TDRD5: variants seen among roughly 807,000 people sequenced by gnomAD.
The protein encoded by TDRD5 is tudor domain containing 5.
Under a neutral mutation model 120.6 loss-of-function variants are expected in TDRD5, and 41 were observed. The observed-to-expected ratio is 0.34, with a 90% CI of 0.26 to 0.44. TDRD5 has a LOEUF of 0.44. Ranked by LOEUF, TDRD5 falls within the 20% of genes least tolerant of loss-of-function variation. The pLI is 1.00. For missense variants in TDRD5, 1,006 were observed against 1,221.2 expected, an observed-to-expected ratio of 0.82 and a Z score of 2.63; for synonymous variants, 430 against 433.7, an observed-to-expected ratio of 0.99 and a Z score of 0.11.
At chr1:179,687,915 C>CTTTA (rs1468647649) in intron 17 of TDRD5, among the ~76,000 whole-genome samples, 1 of 142,674 alleles carries the variant, frequency 7.0e-6, no homozygotes, top group Non-Finnish European at 1.6e-5. Flanking sequence ...TCCTCCATCC[C>CTTTA]TTTATTTTGA....
At chr1:179,689,652 T>C (rs1325368223) in intron 17 of TDRD5, among the ~76,000 whole-genome samples, 1 of 151,982 alleles carries the variant, frequency 6.6e-6, no homozygotes, top group Non-Finnish European at 1.5e-5. Flanking sequence ...CTCCCAGAGG[T>C]GGAGTCTACA....
chr1:179,642,579 A>T (rs976661891), intron 11 of TDRD5, among the ~76,000 whole-genome samples: 6 of 152,242 alleles, frequency 3.9e-5, no homozygotes, highest in Non-Finnish European at 1.5e-5. Context: ...CCCTTCAGTC[A>T]TTCATTGTCA....
At chr1:179,657,501 G>A (rs913206874) in intron 14 of TDRD5, among the ~76,000 whole-genome samples, 4 of 152,026 alleles carry the variant, frequency 2.6e-5, no homozygotes, top group African/African-American at 7.2e-5. Flanking sequence ...GTGATTTTCT[G>A]TATCAGTAAT....
At chr1:179,636,792 G>A (rs1040895528) in intron 9 of TDRD5, among the ~76,000 whole-genome samples, 13 of 152,278 alleles carry the variant, frequency 8.5e-5, no homozygotes, top group South Asian at 2.1e-4. Context: ...CCTTTTACTC[G>A]AAAGTTTGAT....
chr1:179,644,921 A>G (rs1678257636), intron 11 of TDRD5, among the ~76,000 whole-genome samples: 2 of 151,882 alleles, frequency 1.3e-5, no homozygotes, highest in African/African-American at 4.8e-5. Flanking sequence ...TTGATGTGCA[A>G]GCTTAGGTTA....
chr1:179,597,156 T>C (rs1435057482), intron 4 of TDRD5, among the ~76,000 whole-genome samples: 1 of 152,178 alleles, frequency 6.6e-6, no homozygotes, highest in Non-Finnish European at 1.5e-5. Flanking sequence ...TGTCATTGTA[T>C]TGAATTGGAA....
At chr1:179,673,537 C>G (rs188641326) in intron 17 of TDRD5, among the ~76,000 whole-genome samples, 34 of 152,272 alleles carry the variant, frequency 2.2e-4, no homozygotes, top group Non-Finnish European at 4.4e-4. Flanking sequence ...AGACATGAGA[C>G]ATCAATCAAT....
In TDRD5 at chr1:179,691,239, T is replaced by A; in HGVS notation, c.*296T>A. The A allele has an allele frequency of 4.2e-6, 1 of 240,218 alleles. No homozygotes were observed. Among genetic ancestry groups the A allele is most frequent in the South Asian group, 6.6e-5 (1 of 15,246 alleles). The allele number at this position is 240,218 out of a possible 1,614,324, so 14.9% of individuals were successfully genotyped here. ...TTTTGTGTTTGTTTTTCTTGTACAT[T>A]ATCATGACTGATAAATGAAAATTGA... is the stretch of plus-strand genomic sequence containing the variant. On this transcript the variant is annotated 3_prime_UTR_variant, in exon 18 of 18. Transcript: ENST00000444136.
intron 6 of TDRD5, among the ~76,000 whole-genome samples, chr1:179,628,638 C>T (rs1677270715): frequency 6.6e-6 from 1 of 151,602 alleles, no homozygotes; most frequent in African/African-American, 2.4e-5. Context: ...TAGTTGGGAG[C>T]CAATAAAGCA....
At chr1:179,647,707 G>T (rs1252886548) in intron 11 of TDRD5, among the ~76,000 whole-genome samples, 3 of 151,410 alleles carry the variant, frequency 2.0e-5, no homozygotes, top group African/African-American at 7.3e-5. Flanking sequence ...TCTGACAAAG[G>T]GCTAATATCC....
chr1:179,619,044 G>A (rs551206016), intron 5 of TDRD5, among the ~76,000 whole-genome samples: 41 of 152,166 alleles, frequency 2.7e-4, no homozygotes, highest in South Asian at 1.0e-3. Flanking sequence ...CCTGTTTCAT[G>A]TAGAGATCCA....
Position 179,690,699 on chromosome 1 carries a change from A to G in TDRD5, c.2864A>G (p.Glu955Gly). Residue 955 changes from glutamate (E) to glycine (G), a missense_variant, in exon 18 of 18, where the codon GAA (glutamate) becomes GGA (glycine). Around this residue, in one of 3 missense-constraint regions of TDRD5, gnomAD observed 403 missense variants for 448.1 expected, o/e 0.90. Transcript: ENST00000444136. ...DSAEKPSGSV[E>G]SSPEILKNED... ...TTGTGTACTCTTTCTTTTCCAGTGG[A>G]AAGCTCACCAGAGATCCTAAAGAAT... 4 of 1,612,848 alleles carry G rather than the reference A, an allele frequency of 2.5e-6. No individual in the cohort carries two copies. Among genetic ancestry groups the G allele is most frequent in the South Asian group, 2.2e-5 (2 of 90,988 alleles).
intron 11 of TDRD5, among the ~76,000 whole-genome samples, chr1:179,642,382 G>A (rs964680344): frequency 3.3e-5 from 5 of 152,072 alleles, no homozygotes; most frequent in African/African-American, 4.8e-5. Flanking sequence ...TTACAGGTAT[G>A]AGCCACCATG....
intron 4 of TDRD5, among the ~76,000 whole-genome samples, chr1:179,610,101 G>A (rs1053156345): frequency 2.0e-5 from 3 of 152,096 alleles, no homozygotes; most frequent in African/African-American, 7.2e-5. Context: ...GCTCTAAATT[G>A]TTGTTTCATA....
chr1:179,679,789 G>T (rs1257416726), intron 17 of TDRD5, among the ~76,000 whole-genome samples: 1 of 151,100 alleles, frequency 6.6e-6, no homozygotes, highest in Non-Finnish European at 1.5e-5. Flanking sequence ...CAGATTTTTG[G>T]TTCCATTGAT....
At chr1:179,620,033 T>C (rs1161289068) in intron 5 of TDRD5, among the ~76,000 whole-genome samples, 2 of 152,224 alleles carry the variant, frequency 1.3e-5, no homozygotes, top group Non-Finnish European at 2.9e-5. Flanking sequence ...TTTATATATG[T>C]CTCTCTCAGT....
At chr1:179,659,065 G>A (rs972695819) in intron 14 of TDRD5, among the ~76,000 whole-genome samples, 1 of 152,158 alleles carries the variant, frequency 6.6e-6, no homozygotes, top group South Asian at 2.1e-4. Context: ...AAATTTTCAT[G>A]TTAACTTCCT....
intron 4 of TDRD5, among the ~76,000 whole-genome samples, chr1:179,601,217 G>A (rs1008478738): frequency 1.3e-5 from 2 of 152,032 alleles, no homozygotes; most frequent in Non-Finnish European, 2.9e-5. Flanking sequence ...TTACCTTTTA[G>A]TTCAGTTGGT....
In TDRD5 at chr1:179,662,206, G is replaced by A. The variant is rs1679349397; in HGVS notation, c.2425G>A (p.Gly809Ser). The change falls in exon 15 of 18, where the codon GGT becomes AGT. Residue 809 changes from glycine to serine, a missense_variant. This residue lies in a region of TDRD5 where 403 missense variants were observed against 448.1 expected (regional missense o/e 0.90). Transcript: ENST00000444136. Reference sequence around the variant, plus strand: ...TCTACAGGCTAAGATGGGAAAAGGAGGTGATGCTGCCTCCCATCTATTTAC... The same window carrying A: ...TCTACAGGCTAAGATGGGAAAAGGAAGTGATGCTGCCTCCCATCTATTTAC... ...LPLQAKMGKGGDAASHLFTAS... is the reference protein window; with the variant it reads ...LPLQAKMGKGSDAASHLFTAS... 8.1e-6 allele frequency: 13 copies of A among 1,612,190 alleles called. No homozygotes were observed. The highest frequency in any genetic ancestry group is 1.1e-5 in the Non-Finnish European group (13 of 1,179,256).
Sources: allele counts gnomAD v4.1 joint callset (sites outside exome capture counted in the v4.1 genomes callset), GRCh38; gene constraint gnomAD v4.1.1; regional missense constraint gnomAD v4.1.1; transcripts MANE v1.5; gene names NCBI Gene and HGNC (gene_info 2026-07-23, HGNC 2026-07-21).